STARD13: variants seen among roughly 807,000 people sequenced by gnomAD.
The protein encoded by STARD13 is StAR related lipid transfer domain containing 13.
Under a neutral mutation model 106.4 loss-of-function variants are expected in STARD13, and 62 were observed. The ratio of observed to expected loss-of-function variants is 0.58; its 90% CI spans 0.48 to 0.72. STARD13 has a LOEUF of 0.72. Among genes scored for constraint, STARD13 ranks in the 30% least tolerant of loss-of-function variants. The pLI, the probability that STARD13 is intolerant of heterozygous loss-of-function variation, is 0.00. For missense variants in STARD13, 1,387 were observed against 1,424.0 expected (o/e 0.97, Z 0.42); for synonymous variants, 565 against 553.0 (o/e 1.02, Z -0.31).
chr13:33,647,345 T>C, the STARD13 span, among the ~76,000 whole-genome samples: 1 of 152,210 alleles, frequency 6.6e-6, no homozygotes, highest in Non-Finnish European at 1.5e-5. Context: ...ATTTACTTCA[T>C]TGTAGAAAAA....
chr13:33,532,863 A>C, the STARD13 span, among the ~76,000 whole-genome samples: 1 of 152,150 alleles, frequency 6.6e-6, no homozygotes, highest in Non-Finnish European at 1.5e-5. Flanking sequence ...GTATTTCCAC[A>C]CAAAACTGGG....
At chr13:33,184,471 A>G (rs1885553678) in intron 1 of STARD13, among the ~76,000 whole-genome samples, 1 of 152,238 alleles carries the variant, frequency 6.6e-6, no homozygotes, top group Non-Finnish European at 1.5e-5. Context: ...GGAACAGATA[A>G]GGGGAAAGAG....
the STARD13 span, among the ~76,000 whole-genome samples, chr13:33,376,837 C>T: frequency 6.6e-6 from 1 of 152,006 alleles, no homozygotes; most frequent in Non-Finnish European, 1.5e-5. Context: ...AAAGAAGCAC[C>T]AGGACACTGC....
intron 1 of STARD13, among the ~76,000 whole-genome samples, chr13:33,302,734 C>T (rs1892767601): frequency 6.6e-6 from 1 of 152,294 alleles, no homozygotes; most frequent in Middle Eastern, 3.4e-3. Flanking sequence ...ACAAACAAAC[C>T]TATGAGGTAG....
intron 8 of STARD13, chr13:33,117,802 G>A (rs1875609811): frequency 1.0e-6 from 1 of 979,436 alleles, no homozygotes; most frequent in Non-Finnish European, 1.2e-6. Flanking sequence ...TGTATTGAAA[G>A]TTTGTTTTAG....
At chr13:33,551,059 T>C in the STARD13 span, among the ~76,000 whole-genome samples, 806 of 152,302 alleles carry the variant, frequency 5.3e-3, 8 homozygotes, top group African/African-American at 0.019. Flanking sequence ...TTTTCCACAA[T>C]ACCTTTATAC....
the STARD13 span, among the ~76,000 whole-genome samples, chr13:33,452,512 C>T: frequency 6.6e-6 from 1 of 152,160 alleles, no homozygotes; most frequent in Non-Finnish European, 1.5e-5. Context: ...AATGTGAGTA[C>T]TAGAAATTAA....
the STARD13 span, among the ~76,000 whole-genome samples, chr13:33,389,447 C>A: frequency 6.6e-6 from 1 of 152,010 alleles, no homozygotes; most frequent in Non-Finnish European, 1.5e-5. Context: ...GGTGGAGGAG[C>A]GAGGGAGTGA....
chr13:33,330,067 C>T (rs976863240), intron 1 of STARD13, among the ~76,000 whole-genome samples: 4 of 152,126 alleles, frequency 2.6e-5, no homozygotes, highest in African/African-American at 4.8e-5. Flanking sequence ...TGTTGACTAT[C>T]GTGTAAAATG....
the STARD13 span, among the ~76,000 whole-genome samples, chr13:33,418,383 G>A: frequency 6.6e-6 from 1 of 152,332 alleles, no homozygotes; most frequent in South Asian, 2.1e-4. Context: ...GCTGGGCAAG[G>A]GGAGGGGTGT....
At chr13:33,146,556 T>C (rs142207092) in intron 3 of STARD13, among the ~76,000 whole-genome samples, 4 of 152,328 alleles carry the variant, frequency 2.6e-5, no homozygotes, top group African/African-American at 9.6e-5. Flanking sequence ...ATTAATCAAA[T>C]TGTATGCTTT....
chr13:33,188,459 C>T (rs894619643), intron 1 of STARD13, among the ~76,000 whole-genome samples: 3 of 152,086 alleles, frequency 2.0e-5, no homozygotes, highest in Non-Finnish European at 4.4e-5. Flanking sequence ...AGAAAAATTT[C>T]TGGTTATGAT....
chr13:33,531,136 C>G, the STARD13 span, among the ~76,000 whole-genome samples: 1 of 152,122 alleles, frequency 6.6e-6, no homozygotes, highest in Non-Finnish European at 1.5e-5. Context: ...GGGAGTTTCC[C>G]TGCACAAGCT....
At chr13:33,255,739 C>T (rs1890330087) in intron 1 of STARD13, among the ~76,000 whole-genome samples, 1 of 152,132 alleles carries the variant, frequency 6.6e-6, no homozygotes, top group African/African-American at 2.4e-5. Context: ...TGCCACACTC[C>T]CTCCAGGGCA....
At chr13:33,298,399 A>C (rs1892584474) in intron 1 of STARD13, among the ~76,000 whole-genome samples, 2 of 151,644 alleles carry the variant, frequency 1.3e-5, no homozygotes, top group African/African-American at 4.9e-5. Flanking sequence ...GGCCTCCCAA[A>C]GTGCTGGGAT....
At chr13:33,563,643 A>G in the STARD13 span, among the ~76,000 whole-genome samples, 1 of 147,554 alleles carries the variant, frequency 6.8e-6, no homozygotes, top group Non-Finnish European at 1.5e-5. Flanking sequence ...ACTTTGGGGA[A>G]ATGCTTCAGG....
the STARD13 span, among the ~76,000 whole-genome samples, chr13:33,410,400 G>A: frequency 6.6e-6 from 1 of 152,228 alleles, no homozygotes; most frequent in African/African-American, 2.4e-5. Flanking sequence ...CATCTTGCTT[G>A]ATCACAGTAA....
At chr13:33,664,027 C>T in the STARD13 span, among the ~76,000 whole-genome samples, 2 of 152,158 alleles carry the variant, frequency 1.3e-5, no homozygotes, top group African/African-American at 2.4e-5. Context: ...CAGGGAGGAA[C>T]GCAAGCTGGG....
chr13:33,504,920 G>A, the STARD13 span, among the ~76,000 whole-genome samples: 2 of 152,128 alleles, frequency 1.3e-5, no homozygotes, highest in African/African-American at 4.8e-5. Flanking sequence ...TTGCTAGAAA[G>A]GTCTTACTTC....
Sources: allele counts gnomAD v4.1 joint callset (sites outside exome capture counted in the v4.1 genomes callset), GRCh38; gene constraint gnomAD v4.1.1; transcripts MANE v1.5; gene names NCBI Gene and HGNC (gene_info 2026-07-23, HGNC 2026-07-21).